Variants in TENM4 observed in about 807,000 individuals in gnomAD.
TENM4 encodes the protein teneurin-4.
TENM4 carries 82 observed loss-of-function variants against 243.3 expected under a neutral mutation model. The ratio of observed to expected loss-of-function variants is 0.34; its 90% CI spans 0.28 to 0.40. The LOEUF (loss-of-function observed/expected upper bound fraction) is 0.40. Ranked by LOEUF, TENM4 falls within the 10% of genes least tolerant of loss-of-function variation. The probability of loss-of-function intolerance (pLI) is 1.00; values close to 1 mark genes in which losing one functional copy is unlikely to be tolerated. For synonymous variants in TENM4, 1,412 were observed against 1,456.3 expected, an observed-to-expected ratio of 0.97 and a Z score of 0.69; for missense variants, 3,138 against 3,673.3, an observed-to-expected ratio of 0.85 and a Z score of 3.77.
At chr11:78,871,900 C>T (rs908882891) in intron 9 of TENM4, among the ~76,000 whole-genome samples, 3 of 152,168 alleles carry the variant, frequency 2.0e-5, no homozygotes, top group Non-Finnish European at 4.4e-5. Flanking sequence ...ATTAAAGAAA[C>T]AACAGCTCCT....
intron 6 of TENM4, among the ~76,000 whole-genome samples, chr11:78,960,376 G>A (rs550037419): frequency 1.3e-5 from 2 of 152,298 alleles, no homozygotes; most frequent in Non-Finnish European, 2.9e-5. Context: ...GACAGTGGAA[G>A]CGGGGAGGTC....
chr11:79,401,796 G>T (rs1307401948), intron 1 of TENM4, among the ~76,000 whole-genome samples: 2 of 152,196 alleles, frequency 1.3e-5, no homozygotes, highest in Non-Finnish European at 2.9e-5. Context: ...GCCAGGGCTG[G>T]CCCAGAGGAG....
intron 12 of TENM4, among the ~76,000 whole-genome samples, chr11:78,844,173 A>G (rs761259425): frequency 3.3e-5 from 5 of 152,144 alleles, no homozygotes; most frequent in African/African-American, 4.8e-5. Flanking sequence ...GACTGCTACT[A>G]TCTTATGGTC....
intron 28 of TENM4, among the ~76,000 whole-genome samples, chr11:78,699,345 G>A (rs1378327088): frequency 1.3e-5 from 2 of 152,226 alleles, no homozygotes; most frequent in Non-Finnish European, 2.9e-5. Flanking sequence ...AGGGACTTGT[G>A]TTCTGGTTCT....
intron 12 of TENM4, among the ~76,000 whole-genome samples, chr11:78,831,519 G>T (rs1255462728): frequency 6.6e-6 from 1 of 152,242 alleles, no homozygotes; most frequent in East Asian, 1.9e-4. Context: ...GGCGAGGAAG[G>T]CATTGTCACT....
intron 6 of TENM4, among the ~76,000 whole-genome samples, chr11:78,967,874 C>T (rs566241312): frequency 5.4e-4 from 82 of 152,322 alleles, no homozygotes; most frequent in African/African-American, 1.8e-3. Context: ...ATGAGCCCAG[C>T]TCTGGCTTAT....
At chr11:79,365,973 C>T (rs1349621160) in intron 1 of TENM4, among the ~76,000 whole-genome samples, 1 of 152,160 alleles carries the variant, frequency 6.6e-6, no homozygotes, top group East Asian at 1.9e-4. Context: ...CACTGATGGG[C>T]TCTAAGCAAG....
intron 19 of TENM4, among the ~76,000 whole-genome samples, chr11:78,739,072 A>T (rs968792827): frequency 6.6e-6 from 1 of 152,132 alleles, no homozygotes; most frequent in African/African-American, 2.4e-5. Context: ...GTGAACATAC[A>T]AAAAAGTGAG....
intron 28 of TENM4, among the ~76,000 whole-genome samples, chr11:78,692,845 C>G (rs1429054489): frequency 6.6e-6 from 1 of 152,170 alleles, no homozygotes; most frequent in Non-Finnish European, 1.5e-5. Flanking sequence ...ATGGCTTGTT[C>G]CTGTCATCAA....
At chr11:79,268,592 C>A (rs528520246) in intron 2 of TENM4, among the ~76,000 whole-genome samples, 2 of 152,104 alleles carry the variant, frequency 1.3e-5, no homozygotes, top group Non-Finnish European at 2.9e-5. Flanking sequence ...GTACTTGTAA[C>A]CCCAAACCCA....
chr11:78,917,361 T>C (rs1856340439), intron 6 of TENM4, among the ~76,000 whole-genome samples: 1 of 152,238 alleles, frequency 6.6e-6, no homozygotes, highest in Admixed American at 6.5e-5. Flanking sequence ...CTCCTACTCA[T>C]GTGACCCTTA....
chr11:78,968,697 A>C (rs1365089404), intron 6 of TENM4, among the ~76,000 whole-genome samples: 3 of 152,218 alleles, frequency 2.0e-5, no homozygotes, highest in Non-Finnish European at 4.4e-5. Context: ...TCTCACTAGG[A>C]AAATTCATCT....
At chr11:78,798,993 A>G (rs946523195) in intron 15 of TENM4, among the ~76,000 whole-genome samples, 5 of 152,122 alleles carry the variant, frequency 3.3e-5, no homozygotes, top group Middle Eastern at 3.2e-3. Flanking sequence ...TCGGTGCCTA[A>G]AACAGTGAAT....
chr11:78,700,006 T>C (rs2135759506), intron 28 of TENM4, among the ~76,000 whole-genome samples: 1 of 152,358 alleles, frequency 6.6e-6, no homozygotes, highest in South Asian at 2.1e-4. Flanking sequence ...GTCTTTTCTT[T>C]GTAATTAACA....
At chr11:78,820,561 C>G (rs1374618989) in intron 12 of TENM4, among the ~76,000 whole-genome samples, 2 of 152,158 alleles carry the variant, frequency 1.3e-5, no homozygotes, top group Non-Finnish European at 2.9e-5. Context: ...TGGCCCAGGA[C>G]CTGGCAGAGC....
intron 2 of TENM4, among the ~76,000 whole-genome samples, chr11:79,258,938 G>GCC (rs149563380): frequency 1.3e-5 from 2 of 151,654 alleles, no homozygotes; most frequent in African/African-American, 4.8e-5. Context: ...TCCAGTCCTG[G>GCC]CCCCCCCCAC....
chr11:78,939,142 T>C (rs1453320456), intron 6 of TENM4, among the ~76,000 whole-genome samples: 1 of 152,248 alleles, frequency 6.6e-6, no homozygotes, highest in Non-Finnish European at 1.5e-5. Flanking sequence ...CGTTGTTTCC[T>C]TTCTCCTTCT....
intron 2 of TENM4, among the ~76,000 whole-genome samples, chr11:79,286,939 AC>A (rs1253065497): frequency 6.6e-6 from 1 of 152,242 alleles, no homozygotes; most frequent in Non-Finnish European, 1.5e-5. Flanking sequence ...CTTGATAGCC[AC>A]AAATAGCATG....
chr11:79,098,612 G>A (rs1039079020), intron 4 of TENM4, among the ~76,000 whole-genome samples: 2 of 152,172 alleles, frequency 1.3e-5, no homozygotes, highest in African/African-American at 2.4e-5. Flanking sequence ...ACACCTGTAC[G>A]GAAGAAAAGC....
Sources: gnomAD v4.1 joint callset for allele counts (sites outside exome capture counted in the v4.1 genomes callset) on GRCh38, gnomAD v4.1.1 for gene constraint, MANE v1.5 for transcripts, NCBI Gene and HGNC (gene_info 2026-07-23, HGNC 2026-07-21) for gene names.